RBMS3: variants seen among roughly 807,000 people sequenced by gnomAD.
The protein encoded by RBMS3 is RNA-binding motif, single-stranded-interacting protein 3.
In RBMS3, 27 loss-of-function variants were observed where a neutral mutation model predicts 66.8. The observed-to-expected ratio is 0.40, with a 90% confidence interval of 0.30 to 0.56. RBMS3 has a LOEUF of 0.56. Ranked by LOEUF, RBMS3 falls within the 20% of genes least tolerant of loss-of-function variation. The probability of loss-of-function intolerance (pLI) is 0.40; values close to 1 mark genes in which losing one functional copy is unlikely to be tolerated. For missense variants in RBMS3, 513 were observed against 549.5 expected, an observed-to-expected ratio of 0.93 and a Z score of 0.66; for synonymous variants, 188 against 183.0, an observed-to-expected ratio of 1.03 and a Z score of -0.22.
chr3:29,701,886 G>A (rs59633741), intron 4 of RBMS3, among the ~76,000 whole-genome samples: 14,614 of 152,052 alleles, frequency 0.096, 2,266 homozygotes, highest in African/African-American at 0.33. Flanking sequence ...CCACGGCGCC[G>A]CCCGGTCCCA....
intron 6 of RBMS3, among the ~76,000 whole-genome samples, chr3:29,817,955 C>T (rs1419281449): frequency 6.6e-6 from 1 of 152,050 alleles, no homozygotes; most frequent in Non-Finnish European, 1.5e-5. Context: ...TGATTGCCAC[C>T]TGCTATATGC....
intron 1 of RBMS3, among the ~76,000 whole-genome samples, chr3:29,351,061 T>C (rs2036883432): frequency 1.3e-5 from 2 of 152,156 alleles, no homozygotes; most frequent in Non-Finnish European, 2.9e-5. Flanking sequence ...ACCAACTTGC[T>C]TACTTGATTT....
At chr3:29,464,094 A>G (rs968148319) in intron 2 of RBMS3, among the ~76,000 whole-genome samples, 2 of 152,110 alleles carry the variant, frequency 1.3e-5, no homozygotes, top group Non-Finnish European at 2.9e-5. Flanking sequence ...GGCACCTGCA[A>G]CCCTTAACTT....
At chr3:29,794,630 G>A (rs971773075) in intron 6 of RBMS3, among the ~76,000 whole-genome samples, 1 of 151,996 alleles carries the variant, frequency 6.6e-6, no homozygotes, top group Non-Finnish European at 1.5e-5. Flanking sequence ...CATGATATGG[G>A]CCTTGAATCA....
intron 3 of RBMS3, chr3:29,556,283 A>C (rs2046360223): frequency 6.6e-6 from 1 of 152,178 alleles, no homozygotes; most frequent in African/African-American, 2.4e-5. Flanking sequence ...ATGTCTCTGG[A>C]GGAGCTAAGT....
intron 4 of RBMS3, among the ~76,000 whole-genome samples, chr3:29,706,941 TG>T (rs1248840730): frequency 1.3e-5 from 2 of 152,192 alleles, no homozygotes; most frequent in African/African-American, 4.8e-5. Flanking sequence ...GCTACTTATA[TG>T]TTCTTGACAC....
At chr3:29,823,749 G>A (rs1213025254) in intron 6 of RBMS3, among the ~76,000 whole-genome samples, 2 of 152,122 alleles carry the variant, frequency 1.3e-5, no homozygotes, top group Non-Finnish European at 1.5e-5. Flanking sequence ...ATGTCTTTAG[G>A]TGAACACATG....
chr3:29,393,174 G>C (rs1238264634), intron 1 of RBMS3, among the ~76,000 whole-genome samples: 1 of 152,154 alleles, frequency 6.6e-6, no homozygotes. Flanking sequence ...ACTTATGACA[G>C]ATATAGCCCA....
intron 1 of RBMS3, among the ~76,000 whole-genome samples, chr3:29,364,568 G>A (rs753830506): frequency 2.6e-5 from 4 of 152,148 alleles, no homozygotes; most frequent in Admixed American, 6.6e-5. Flanking sequence ...GTAACTAGCA[G>A]CAAAACATCA....
intron 1 of RBMS3, among the ~76,000 whole-genome samples, chr3:29,304,378 G>A (rs1295052519): frequency 2.0e-5 from 3 of 151,874 alleles, no homozygotes; most frequent in Non-Finnish European, 4.4e-5. Flanking sequence ...GTAAAACTCT[G>A]AGCAAAGATA....
rs546296525 is a variant in RBMS3 at position 29,997,270 on chromosome 3, T to TAATC, written c.1307+6065_1307+6068dup. Among the ~76,000 whole-genome samples the TAATC allele has an allele frequency of 4.9e-4, 74 of 152,150 alleles. 1 individual carries two copies. The South Asian group carries it at 0.015, about 30-fold the overall frequency. On this transcript the variant is annotated intron_variant, in intron 14 of 14. Transcript: ENST00000383767. The stretch of plus-strand genomic sequence containing the variant: ...ATAACAGGAACTGAAATTGTGGCAA[T>TAATC]AATCAATAGCTTACCAACCAAAAAG...
At chr3:29,409,997 C>T (rs78726412) in intron 1 of RBMS3, among the ~76,000 whole-genome samples, 2,157 of 152,174 alleles carry the variant, frequency 0.014, 61 homozygotes, top group African/African-American at 0.047. Context: ...TGGCAGCCAC[C>T]GTTTCTTTCT....
intron 1 of RBMS3, among the ~76,000 whole-genome samples, chr3:29,380,509 A>G (rs2038713424): frequency 6.6e-6 from 1 of 152,220 alleles, no homozygotes; most frequent in Non-Finnish European, 1.5e-5. Flanking sequence ...GGTAAGTTGC[A>G]TTGCATGTTT....
chr3:29,673,548 G>A (rs758606842), intron 4 of RBMS3, among the ~76,000 whole-genome samples: 4 of 150,562 alleles, frequency 2.7e-5, no homozygotes, highest in Admixed American at 6.6e-5. Flanking sequence ...TCATATAGAC[G>A]CAATAAAAAA....
intron 4 of RBMS3, among the ~76,000 whole-genome samples, chr3:29,715,478 CAAT>C (rs1218173139): frequency 2.0e-5 from 3 of 152,112 alleles, no homozygotes; most frequent in African/African-American, 7.2e-5. Flanking sequence ...TTTCCGCCTT[CAAT>C]TTAAGCCAAG....
rs536666995 is a variant in RBMS3 at position 29,321,042 on chromosome 3, A to G, written c.75+39286A>G. 9.9e-4 allele frequency among the ~76,000 whole-genome samples: 150 copies of G among 152,218 alleles called. 1 individual carries two copies. The highest frequency in any genetic ancestry group is 3.5e-3 in the African/African-American group (146 of 41,552). Reference sequence around the variant, plus strand: ...AGTTAAGATATCATATACTTAGCCAATGAACGTACCAAATGACCCATACAT... The same window carrying G: ...AGTTAAGATATCATATACTTAGCCAGTGAACGTACCAAATGACCCATACAT... On this transcript the variant is annotated intron_variant, in intron 1 of 14. Transcript: ENST00000383767.
intron 6 of RBMS3, among the ~76,000 whole-genome samples, chr3:29,769,055 G>A (rs555406308): frequency 6.6e-5 from 10 of 152,044 alleles, no homozygotes; most frequent in East Asian, 1.9e-4. Context: ...TGGCCCAAAT[G>A]TACTGTTTTT....
chr3:29,734,972 T>A (rs2054314584), intron 4 of RBMS3, among the ~76,000 whole-genome samples: 1 of 152,156 alleles, frequency 6.6e-6, no homozygotes, highest in African/African-American at 2.4e-5. Context: ...TTCATGCTAG[T>A]ACTGTAGCTA....
intron 6 of RBMS3, among the ~76,000 whole-genome samples, chr3:29,817,192 C>CTTTTCTTT (rs1553677829): frequency 7.9e-6 from 1 of 127,226 alleles, no homozygotes; most frequent in African/African-American, 3.2e-5. Flanking sequence ...ATTTTCTTTT[C>CTTTTCTTT]TTTTTTTTTT....
Sources: gnomAD v4.1 joint callset for allele counts (sites outside exome capture counted in the v4.1 genomes callset) on GRCh38, gnomAD v4.1.1 for gene constraint, MANE v1.5 for transcripts, NCBI Gene and HGNC (gene_info 2026-07-23, HGNC 2026-07-21) for gene names.